The following SUMF1 variants were observed in gnomAD, a reference collection of about 807,000 sequenced individuals.
SUMF1 encodes sulfatase modifying factor 1.
Under a neutral mutation model 47.6 loss-of-function variants are expected in SUMF1, and 48 were observed. That is an observed-to-expected ratio of 1.01 (90% CI 0.80 to 1.28). The LOEUF (loss-of-function observed/expected upper bound fraction) is 1.28, where lower values mean the gene tolerates loss of function less well. Among genes scored for constraint, SUMF1 ranks in the 50% most tolerant of loss-of-function variants. SUMF1 has a pLI of 0.00. For synonymous variants in SUMF1, 230 were observed against 192.1 expected, an observed-to-expected ratio of 1.20 and a Z score of -1.63; for missense variants, 571 against 485.4, an observed-to-expected ratio of 1.18 and a Z score of -1.66.
intron 3 of SUMF1, among the ~76,000 whole-genome samples, chr3:4,425,694 C>T (rs1406988946): frequency 6.6e-6 from 1 of 152,184 alleles, no homozygotes; most frequent in African/African-American, 2.4e-5. Context: ...CTAAAGCAAG[C>T]AGCACCATGA....
At chr3:4,195,015 G>C (rs9863507) in intron 8 of SUMF1, among the ~76,000 whole-genome samples, 1 of 152,068 alleles carries the variant, frequency 6.6e-6, no homozygotes, top group East Asian at 1.9e-4. Flanking sequence ...AAGCAATTAG[G>C]TCACAGAGCC....
At position 4,309,558 on chromosome 3, in the gene SUMF1, G is replaced by GT. The variant is rs536323590; in HGVS notation, c.1014+66771dup. On this transcript the variant is annotated intron_variant and NMD_transcript_variant, in intron 8 of 12. Transcript: ENST00000448413. ...GCCTCAAATCAGAAAAGTCCAAGTG[G>GT]TAACTATAGGCATGTCTGGACCCAG... 3.8e-4 allele frequency among the ~76,000 whole-genome samples: 58 copies of GT among 152,232 alleles called. 2 individuals carry two copies. In the South Asian group the frequency reaches 0.01, roughly 27 times the overall value.
intron 7 of SUMF1, among the ~76,000 whole-genome samples, chr3:4,382,003 G>A (rs189226745): frequency 6.0e-4 from 92 of 152,232 alleles, no homozygotes; most frequent in Admixed American, 3.4e-3. Flanking sequence ...CAGTGACTGC[G>A]CCACAGCACT....
intron 8 of SUMF1, among the ~76,000 whole-genome samples, chr3:4,171,352 T>C (rs1236060609): frequency 6.6e-6 from 1 of 152,122 alleles, no homozygotes; most frequent in East Asian, 1.9e-4. Flanking sequence ...GAACAGGCGA[T>C]AAATCAAAAA....
chr3:4,293,832 T>C (rs557017967), intron 8 of SUMF1, among the ~76,000 whole-genome samples: 1 of 152,336 alleles, frequency 6.6e-6, no homozygotes, highest in South Asian at 2.1e-4. Flanking sequence ...TAAATCACTA[T>C]ACTTTCCAAT....
At chr3:4,134,777 T>C (rs1476964612) in intron 8 of SUMF1, among the ~76,000 whole-genome samples, 1 of 152,016 alleles carries the variant, frequency 6.6e-6, no homozygotes, top group Non-Finnish European at 1.5e-5. Flanking sequence ...CAATAAAAAA[T>C]GATAAAGGGG....
At chr3:4,117,945 T>C (rs1268645268) in intron 8 of SUMF1, among the ~76,000 whole-genome samples, 1 of 151,254 alleles carries the variant, frequency 6.6e-6, no homozygotes, top group African/African-American at 2.4e-5. Context: ...ACCAAGAGCC[T>C]GTGACTATTC....
intron 8 of SUMF1, among the ~76,000 whole-genome samples, chr3:4,278,310 C>T (rs1434933981): frequency 6.6e-6 from 1 of 151,944 alleles, no homozygotes; most frequent in Non-Finnish European, 1.5e-5. Flanking sequence ...TTTGATGAAA[C>T]TTCTGAATTT....
chr3:4,313,610 G>A (rs1168581220), intron 8 of SUMF1: 2 of 1,614,098 alleles, frequency 1.2e-6, no homozygotes. Context: ...TGTTACTGTG[G>A]TGCCAAATCA....
intron 8 of SUMF1, among the ~76,000 whole-genome samples, chr3:4,233,357 G>C (rs1696342642): frequency 6.6e-6 from 1 of 152,070 alleles, no homozygotes. Flanking sequence ...AACATTTCTT[G>C]TAGGGAGTTT....
At chr3:4,417,892 A>G in intron 5 of SUMF1, 118 bp downstream of exon 5, 2 of 1,557,128 alleles carry the variant, frequency 1.3e-6, no homozygotes, top group East Asian at 2.3e-5. Context: ...AAAATAAGAA[A>G]AAGAATTATT....
intron 8 of SUMF1, among the ~76,000 whole-genome samples, chr3:4,093,569 G>T (rs1403880886): frequency 1.3e-5 from 2 of 151,944 alleles, no homozygotes; most frequent in African/African-American, 2.4e-5. Context: ...CAAAAAAAAA[G>T]TTTTCTAGAT....
chr3:4,086,858 GTCTTGTCTGCTGC>G (rs1692683070), intron 8 of SUMF1, among the ~76,000 whole-genome samples: 1 of 152,012 alleles, frequency 6.6e-6, no homozygotes. Context: ...TGTCATTTCT[GTCTTGTCTGCTGC>G]CACATAAGAC....
At chr3:4,162,346 T>C (rs28847075) in intron 8 of SUMF1, among the ~76,000 whole-genome samples, 59 of 152,290 alleles carry the variant, frequency 3.9e-4, no homozygotes, top group African/African-American at 1.4e-3. Context: ...GTCCCCCAGA[T>C]CCACTGGCTC....
chr3:4,335,759 A>G (rs1441454808), intron 8 of SUMF1, among the ~76,000 whole-genome samples: 1 of 152,046 alleles, frequency 6.6e-6, no homozygotes, highest in African/African-American at 2.4e-5. Context: ...CCTGGCCAAG[A>G]GACCAGCCTA....
At chr3:4,136,935 C>T (rs1037688672) in intron 8 of SUMF1, among the ~76,000 whole-genome samples, 7 of 152,090 alleles carry the variant, frequency 4.6e-5, no homozygotes, top group African/African-American at 1.7e-4. Flanking sequence ...CTATCTCACA[C>T]CAGTTAGAAT....
At chr3:4,313,131 C>T in intron 8 of SUMF1, 6 of 1,613,960 alleles carry the variant, frequency 3.7e-6, no homozygotes, top group Non-Finnish European at 5.1e-6. Context: ...ACTGCAGAAA[C>T]AGAGTGGTCC....
chr3:4,100,583 CAT>C (rs1394828646), intron 8 of SUMF1, among the ~76,000 whole-genome samples: 1 of 151,894 alleles, frequency 6.6e-6, no homozygotes, highest in Non-Finnish European at 1.5e-5. Context: ...CAGAAGAAAA[CAT>C]AGGGGGAAAC....
At chr3:4,129,343 C>T (rs1454899474) in intron 8 of SUMF1, among the ~76,000 whole-genome samples, 1 of 152,124 alleles carries the variant, frequency 6.6e-6, no homozygotes, top group Non-Finnish European at 1.5e-5. Context: ...AATAATCTGA[C>T]TAATGTAGAG....
Sources: allele counts gnomAD v4.1 joint callset (sites outside exome capture counted in the v4.1 genomes callset), GRCh38; gene constraint gnomAD v4.1.1; transcripts MANE v1.5; gene names NCBI Gene and HGNC (gene_info 2026-07-23, HGNC 2026-07-21).